UNC13C: variants seen among roughly 807,000 people sequenced by gnomAD.
UNC13C encodes the protein unc-13 homolog C, also known as protein unc-13 homolog C.
In UNC13C, 174 loss-of-function variants were observed where a neutral mutation model predicts 245.4. The observed-to-expected ratio is 0.71, with a 90% CI of 0.63 to 0.80. UNC13C has a LOEUF of 0.80. UNC13C is among the 30% of genes least tolerant of loss of function. The pLI, the probability that UNC13C is intolerant of heterozygous loss-of-function variation, is 0.00. For synonymous variants in UNC13C, 992 were observed against 895.1 expected (o/e 1.11, Z -1.93); for missense variants, 2,829 against 2,602.9 (o/e 1.09, Z -1.89).
intron 2 of UNC13C, among the ~76,000 whole-genome samples, chr15:54,120,491 A>T (rs907949542): frequency 6.6e-6 from 1 of 152,120 alleles, no homozygotes; most frequent in Admixed American, 6.6e-5. Context: ...TCTGAAGGAG[A>T]TGTACAAAGA....
At chr15:54,300,872 G>T (rs1296341617) in intron 13 of UNC13C, among the ~76,000 whole-genome samples, 2 of 152,132 alleles carry the variant, frequency 1.3e-5, no homozygotes. Context: ...CCAAATTTTA[G>T]ACTATGTCTT....
chr15:54,104,487 ATC>A (rs1299000903), intron 2 of UNC13C, among the ~76,000 whole-genome samples: 1 of 151,818 alleles, frequency 6.6e-6, no homozygotes, highest in Admixed American at 6.6e-5. Context: ...TAATATTCTT[ATC>A]TGTTTTATTT....
At chr15:54,114,477 C>CT in intron 2 of UNC13C, among the ~76,000 whole-genome samples, 1 of 152,174 alleles carries the variant, frequency 6.6e-6, no homozygotes, top group East Asian at 1.9e-4. Flanking sequence ...CTACAACTTG[C>CT]TTTTTTCACT....
At chr15:54,336,270 T>A (rs889267606) in intron 16 of UNC13C, among the ~76,000 whole-genome samples, 1 of 152,074 alleles carries the variant, frequency 6.6e-6, no homozygotes, top group African/African-American at 2.4e-5. Flanking sequence ...ATGCATTACC[T>A]CACAAAGTTA....
intron 10 of UNC13C, among the ~76,000 whole-genome samples, chr15:54,270,315 G>C (rs531057090): frequency 5.3e-5 from 8 of 152,234 alleles, no homozygotes; most frequent in African/African-American, 1.9e-4. Flanking sequence ...TGACAGTTCT[G>C]CCCTGTGAAC....
chr15:54,593,749 T>A (rs1227372029), intron 30 of UNC13C, among the ~76,000 whole-genome samples: 1 of 152,228 alleles, frequency 6.6e-6, no homozygotes, highest in Admixed American at 6.5e-5. Context: ...TATCATTTTT[T>A]GGATTTCCTT....
chr15:54,392,996 A>T, intron 17 of UNC13C, 52 bp from the exon 18 acceptor site: 1 of 1,470,830 alleles, frequency 6.8e-7, no homozygotes, highest in Non-Finnish European at 9.0e-7. Flanking sequence ...CATCTAACTA[A>T]AGTCATCCCA....
chr15:54,206,944 G>T (rs1212833752), intron 4 of UNC13C, among the ~76,000 whole-genome samples: 1 of 152,016 alleles, frequency 6.6e-6, no homozygotes, highest in Non-Finnish European at 1.5e-5. Context: ...CTGTGCTGAG[G>T]TTGTTAAAAT....
intron 17 of UNC13C, among the ~76,000 whole-genome samples, chr15:54,346,369 A>T (rs2038860423): frequency 6.6e-6 from 1 of 152,178 alleles, no homozygotes; most frequent in African/African-American, 2.4e-5. Flanking sequence ...ACTTTTCAGC[A>T]TTGTGGACTT....
At chr15:54,273,353 CCCT>C (rs1237522298) in intron 10 of UNC13C, among the ~76,000 whole-genome samples, 2 of 152,138 alleles carry the variant, frequency 1.3e-5, no homozygotes, top group Non-Finnish European at 2.9e-5. Context: ...GTCCCTATCT[CCCT>C]CCTTTCCCCG....
At chr15:54,403,313 G>A (rs1444171003) in intron 18 of UNC13C, among the ~76,000 whole-genome samples, 1 of 152,026 alleles carries the variant, frequency 6.6e-6, no homozygotes, top group East Asian at 1.9e-4. Flanking sequence ...GGATGAGGCG[G>A]GTGGGTCTCT....
intron 17 of UNC13C, among the ~76,000 whole-genome samples, chr15:54,365,719 T>C (rs2140873907): frequency 6.6e-6 from 1 of 150,956 alleles, no homozygotes; most frequent in South Asian, 2.1e-4. Flanking sequence ...ACAAATGTCC[T>C]AGGCTCCTCA....
chr15:54,611,609 AG>A (rs1316145329), intron 30 of UNC13C: 1 of 152,190 alleles, frequency 6.6e-6, no homozygotes, highest in Non-Finnish European at 1.5e-5. Context: ...CTTCTGGAAA[AG>A]TATATGCATA....
intron 30 of UNC13C, among the ~76,000 whole-genome samples, chr15:54,614,285 C>G (rs1900288152): frequency 6.6e-6 from 1 of 151,880 alleles, no homozygotes; most frequent in South Asian, 2.1e-4. Context: ...TACCCACATC[C>G]CCAAACTCCC....
At chr15:54,012,242 A>T (rs757417619) in intron 1 of UNC13C, among the ~76,000 whole-genome samples, 2 of 152,168 alleles carry the variant, frequency 1.3e-5, no homozygotes, top group Non-Finnish European at 1.5e-5. Flanking sequence ...AATATCTTGG[A>T]TGTGAGGGGA....
chr15:54,343,396 G>A (rs2038783017), intron 17 of UNC13C, among the ~76,000 whole-genome samples: 1 of 152,088 alleles, frequency 6.6e-6, no homozygotes, highest in African/African-American at 2.4e-5. Flanking sequence ...GCCTCCCAAA[G>A]TGCTGCGATT....
chr15:54,440,130 C>A (rs1890436933), intron 19 of UNC13C, among the ~76,000 whole-genome samples: 1 of 151,912 alleles, frequency 6.6e-6, no homozygotes, highest in South Asian at 2.1e-4. Context: ...CTCACAAGGT[C>A]TGATAGCTTT....
intron 2 of UNC13C, among the ~76,000 whole-genome samples, chr15:54,081,256 T>A (rs972003813): frequency 6.6e-6 from 1 of 152,098 alleles, no homozygotes; most frequent in African/African-American, 2.4e-5. Context: ...TGATAAAATG[T>A]ATATTCTTTG....
intron 4 of UNC13C, among the ~76,000 whole-genome samples, chr15:54,230,381 C>A (rs1481574722): frequency 6.6e-6 from 1 of 151,828 alleles, no homozygotes; most frequent in Non-Finnish European, 1.5e-5. Flanking sequence ...TGATAGTTTT[C>A]ACGTGATATT....
Sources: allele counts gnomAD v4.1 joint callset (sites outside exome capture counted in the v4.1 genomes callset), GRCh38; gene constraint gnomAD v4.1.1; transcripts MANE v1.5; gene names NCBI Gene and HGNC (gene_info 2026-07-23, HGNC 2026-07-21).